The following FBXO4 variants were observed in gnomAD, a reference collection of about 807,000 sequenced individuals.
The protein encoded by FBXO4 is F-box protein 4.
A neutral mutation model predicts 43.7 loss-of-function variants in FBXO4; 36 were observed. The ratio of observed to expected loss-of-function variants is 0.82; its 90% CI spans 0.63 to 1.09. The LOEUF (loss-of-function observed/expected upper bound fraction) is 1.09. Ranked by LOEUF, FBXO4 falls within the 50% of genes least tolerant of loss-of-function variation. The pLI is 0.00. For synonymous variants in FBXO4, 180 were observed against 165.6 expected, an observed-to-expected ratio of 1.09 and a Z score of -0.67; for missense variants, 435 against 474.1, an observed-to-expected ratio of 0.92 and a Z score of 0.77.
the FBXO4 span, among the ~76,000 whole-genome samples, chr5:42,026,302 A>G: frequency 6.6e-6 from 1 of 151,700 alleles, no homozygotes; most frequent in Non-Finnish European, 1.5e-5. Context: ...GCTATTGTAA[A>G]TGACATTACT....
the FBXO4 span, among the ~76,000 whole-genome samples, chr5:42,005,323 T>TATAC: frequency 6.6e-6 from 1 of 152,186 alleles, no homozygotes; most frequent in Non-Finnish European, 1.5e-5. Context: ...TTGTGATGGC[T>TATAC]ATACGTGCAC....
chr5:41,995,077 A>G, the FBXO4 span, among the ~76,000 whole-genome samples: 1 of 152,158 alleles, frequency 6.6e-6, no homozygotes, highest in Non-Finnish European at 1.5e-5. Context: ...AGGGAATTTC[A>G]CCATTCTATT....
the FBXO4 span, among the ~76,000 whole-genome samples, chr5:42,015,127 A>G: frequency 6.6e-6 from 1 of 152,194 alleles, no homozygotes. Context: ...TTTAGAAATG[A>G]GAATAAAAGC....
the FBXO4 span, among the ~76,000 whole-genome samples, chr5:42,009,497 C>T: frequency 6.6e-6 from 1 of 151,946 alleles, no homozygotes; most frequent in Non-Finnish European, 1.5e-5. Flanking sequence ...CTTTTGTTAT[C>T]TGATTTTGAA....
the FBXO4 span, among the ~76,000 whole-genome samples, chr5:41,966,115 G>A: frequency 6.6e-6 from 1 of 152,140 alleles, no homozygotes; most frequent in Non-Finnish European, 1.5e-5. Flanking sequence ...CATGGACACA[G>A]GAAGGGGAAC....
At chr5:41,999,933 T>C in the FBXO4 span, among the ~76,000 whole-genome samples, 2 of 152,036 alleles carry the variant, frequency 1.3e-5, no homozygotes, top group Admixed American at 1.3e-4. Context: ...CCAATCAAGT[T>C]GGCACTCACT....
chr5:41,999,964 A>G, the FBXO4 span, among the ~76,000 whole-genome samples: 4 of 151,898 alleles, frequency 2.6e-5, no homozygotes, highest in Admixed American at 1.3e-4. Flanking sequence ...ATAGTACCCA[A>G]CATTTCCCCA....
the FBXO4 span, among the ~76,000 whole-genome samples, chr5:42,037,401 C>T: frequency 6.6e-6 from 1 of 151,944 alleles, no homozygotes; most frequent in Non-Finnish European, 1.5e-5. Flanking sequence ...TATTACACTG[C>T]CAAATTAGAG....
chr5:41,968,029 C>A, the FBXO4 span: 4 of 406,358 alleles, frequency 9.8e-6, no homozygotes, highest in Admixed American at 3.2e-5. Flanking sequence ...CACCTCCTGC[C>A]GCACTTCCTG....
At chr5:41,968,694 G>C in the FBXO4 span, among the ~76,000 whole-genome samples, 1 of 151,714 alleles carries the variant, frequency 6.6e-6, no homozygotes, top group Non-Finnish European at 1.5e-5. Flanking sequence ...TTCTGACTTG[G>C]TACCTAAGTA....
the FBXO4 span, among the ~76,000 whole-genome samples, chr5:41,968,649 T>A: frequency 6.6e-6 from 1 of 152,206 alleles, no homozygotes; most frequent in Non-Finnish European, 1.5e-5. Context: ...AAATTTCAAC[T>A]AGTTATGAAA....
At chr5:41,970,879 A>G in the FBXO4 span, among the ~76,000 whole-genome samples, 1 of 152,036 alleles carries the variant, frequency 6.6e-6, no homozygotes, top group East Asian at 1.9e-4. Context: ...AGTATGGCAA[A>G]GCAACCAGAC....
the FBXO4 span, among the ~76,000 whole-genome samples, chr5:42,013,273 C>G: frequency 6.6e-6 from 1 of 152,148 alleles, no homozygotes; most frequent in Non-Finnish European, 1.5e-5. Context: ...GAGTGAGGCC[C>G]CATCTCAAAA....
chr5:42,017,882 G>T, the FBXO4 span, among the ~76,000 whole-genome samples: 1 of 151,446 alleles, frequency 6.6e-6, no homozygotes, highest in African/African-American at 2.4e-5. Flanking sequence ...TGTTGCTATT[G>T]TGAATAGTGC....
downstream of FBXO4, chr5:41,941,846 A>T (rs1308345744): frequency 6.6e-6 from 1 of 152,262 alleles, no homozygotes; most frequent in Non-Finnish European, 1.5e-5. Flanking sequence ...TTAGTGAAAA[A>T]TAACTTTTCC....
the FBXO4 span, among the ~76,000 whole-genome samples, chr5:41,951,113 A>G: frequency 6.6e-6 from 1 of 152,322 alleles, no homozygotes; most frequent in Non-Finnish European, 1.5e-5. Flanking sequence ...CGTAATGTAG[A>G]TGACTGGTTG....
At chr5:42,016,354 C>T in the FBXO4 span, among the ~76,000 whole-genome samples, 1 of 151,830 alleles carries the variant, frequency 6.6e-6, no homozygotes, top group South Asian at 2.1e-4. Flanking sequence ...GCTTTATTCC[C>T]CCTCCCTCCT....
chr5:42,039,593 C>G, the FBXO4 span, among the ~76,000 whole-genome samples: 1 of 152,058 alleles, frequency 6.6e-6, no homozygotes, highest in Admixed American at 6.6e-5. Context: ...CAGATGTACT[C>G]TGGGCTGGCC....
chr5:41,972,967 C>T, the FBXO4 span, among the ~76,000 whole-genome samples: 2 of 151,920 alleles, frequency 1.3e-5, no homozygotes, highest in African/African-American at 4.8e-5. Context: ...CTATAAAAAC[C>T]CCAAGAAGAA....
Sources: gnomAD v4.1 joint callset for allele counts (sites outside exome capture counted in the v4.1 genomes callset) on GRCh38, gnomAD v4.1.1 for gene constraint, MANE v1.5 for transcripts, NCBI Gene and HGNC (gene_info 2026-07-23, HGNC 2026-07-21) for gene names.